The following GSK3B variants were observed in gnomAD, a reference collection of about 807,000 sequenced individuals.
GSK3B encodes the protein glycogen synthase kinase 3 beta.
Under a neutral mutation model 56.4 loss-of-function variants are expected in GSK3B, and 15 were observed. The observed-to-expected ratio is 0.27, with a 90% CI of 0.18 to 0.41. GSK3B has a LOEUF of 0.41. Ranked by LOEUF, GSK3B falls within the 10% of genes least tolerant of loss-of-function variation. GSK3B has a pLI of 1.00. For missense variants in GSK3B, 300 were observed against 513.4 expected, an observed-to-expected ratio of 0.58 and a Z score of 4.02; for synonymous variants, 181 against 188.9, an observed-to-expected ratio of 0.96 and a Z score of 0.34.
chr3:119,989,501 C>T (rs549601399), intron 2 of GSK3B, among the ~76,000 whole-genome samples: 6 of 151,858 alleles, frequency 4.0e-5, no homozygotes, highest in South Asian at 2.1e-4. Context: ...AAAAATTAGC[C>T]GGGCGTACAG....
At position 119,822,095 on chromosome 3, in the gene GSK3B, T is replaced by C. The variant is rs2055417469; in HGVS notation, c.*4693A>G. 5.4e-6 allele frequency: 1 copy of C among 186,448 alleles called. No individual in the cohort carries two copies. The highest frequency in any genetic ancestry group is 1.1e-5 in the Non-Finnish European group (1 of 93,998). The allele number at this position is 186,448 out of a possible 1,614,324, so 11.5% of individuals were successfully genotyped here. A position where few individuals can be genotyped will look rare whatever the true frequency, so the allele number is the denominator to read the frequency against. On this transcript the variant is annotated 3_prime_UTR_variant, in exon 11 of 11. Coordinates refer to ENST00000264235, the MANE Select transcript of GSK3B (RefSeq NM_001146156.2). ...GGAAAAAAAACATTGAGCATACTTTTCACAAAAAAGTTTATATTTAAAATG... is the reference window on the plus strand; with the variant it reads ...GGAAAAAAAACATTGAGCATACTTTCCACAAAAAAGTTTATATTTAAAATG...
At chr3:119,963,565 C>T (rs1030190431) in intron 2 of GSK3B, among the ~76,000 whole-genome samples, 9 of 135,522 alleles carry the variant, frequency 6.6e-5, no homozygotes, top group African/African-American at 2.6e-4. Context: ...TTGCAGTGAG[C>T]TGAAATTATG....
intron 2 of GSK3B, among the ~76,000 whole-genome samples, chr3:119,973,406 C>T (rs1317846602): frequency 1.3e-5 from 2 of 152,180 alleles, no homozygotes; most frequent in Admixed American, 6.5e-5. Context: ...ACTACCTGCC[C>T]GTTAGTCATC....
chr3:120,087,577 A>G (rs2058475432), intron 1 of GSK3B, among the ~76,000 whole-genome samples: 1 of 152,126 alleles, frequency 6.6e-6, no homozygotes, highest in Admixed American at 6.6e-5. Flanking sequence ...GATTTGAAAT[A>G]AGAATCAAGA....
At chr3:119,965,133 A>C (rs2057307976) in intron 2 of GSK3B, among the ~76,000 whole-genome samples, 1 of 148,828 alleles carries the variant, frequency 6.7e-6, no homozygotes, top group Admixed American at 6.7e-5. Context: ...GCTCACTGCA[A>C]CCTCCACCTC....
intron 2 of GSK3B, among the ~76,000 whole-genome samples, chr3:119,990,679 A>C: frequency 6.6e-6 from 1 of 152,226 alleles, no homozygotes; most frequent in East Asian, 1.9e-4. Context: ...TTGTAATCCC[A>C]GCACTTTGGG....
intron 1 of GSK3B, among the ~76,000 whole-genome samples, chr3:120,006,679 A>C (rs1172227904): frequency 6.6e-6 from 1 of 152,234 alleles, no homozygotes; most frequent in Non-Finnish European, 1.5e-5. Context: ...GTAAATAACG[A>C]AATTAAGACA....
chr3:120,056,330 T>C (rs4687891), intron 1 of GSK3B, among the ~76,000 whole-genome samples: 16,979 of 152,252 alleles, frequency 0.11, 1,220 homozygotes, highest in East Asian at 0.34. Flanking sequence ...ACAAAAGTCT[T>C]TGAGGTTCTC....
chr3:120,073,242 A>AG (rs11453059), intron 1 of GSK3B, among the ~76,000 whole-genome samples: 43 of 148,152 alleles, frequency 2.9e-4, no homozygotes, highest in African/African-American at 1.1e-3. Flanking sequence ...AAAAAAAAAA[A>AG]GCCTGGCATG....
intron 1 of GSK3B, among the ~76,000 whole-genome samples, chr3:120,024,808 G>T (rs758012597): frequency 1.2e-4 from 18 of 152,172 alleles, no homozygotes; most frequent in Non-Finnish European, 2.2e-4. Flanking sequence ...GAGAGGGTAG[G>T]GGGAGGAGGG....
chr3:120,061,111 G>A (rs896727421), intron 1 of GSK3B, among the ~76,000 whole-genome samples: 8 of 152,188 alleles, frequency 5.3e-5, no homozygotes, highest in South Asian at 4.1e-4. Context: ...CCTATTTTGT[G>A]TGCTGACCAA....
chr3:119,996,395 T>A (rs1022804844), intron 2 of GSK3B, among the ~76,000 whole-genome samples: 2 of 152,248 alleles, frequency 1.3e-5, no homozygotes, highest in Non-Finnish European at 2.9e-5. Context: ...TAGTATCTAA[T>A]ACACAATTTC....
In GSK3B at chr3:119,919,384, C is replaced by T. The variant is rs539278351; in HGVS notation, c.478-3210G>A. Among the ~76,000 whole-genome samples the T allele has an allele frequency of 3.3e-5, 5 of 152,106 alleles. No individual in the cohort carries two copies. In the East Asian group the frequency reaches 7.7e-4, roughly 23 times the overall value. Reference sequence around the variant, plus strand: ...ACAATAAAACTATGTAGAATGACTACGTGAAGGAGATCAACTCATAACTCA... The same window carrying T: ...ACAATAAAACTATGTAGAATGACTATGTGAAGGAGATCAACTCATAACTCA... On this transcript the variant is annotated intron_variant, in intron 4 of 10. Coordinates refer to ENST00000264235, the MANE Select transcript of GSK3B (RefSeq NM_001146156.2).
At chr3:119,998,284 G>A (rs2057643619) in intron 2 of GSK3B, among the ~76,000 whole-genome samples, 1 of 152,158 alleles carries the variant, frequency 6.6e-6, no homozygotes, top group Non-Finnish European at 1.5e-5. Flanking sequence ...TTTTTCCAGT[G>A]GCTCCCTTGC....
At chr3:119,952,700 C>T (rs889663261) in intron 2 of GSK3B, among the ~76,000 whole-genome samples, 1 of 148,220 alleles carries the variant, frequency 6.7e-6, no homozygotes, top group African/African-American at 2.5e-5. Context: ...CAGGAAAAAA[C>T]GGAAGCTAGA....
At chr3:119,836,488 C>T (rs985159813) in intron 10 of GSK3B, among the ~76,000 whole-genome samples, 2 of 152,080 alleles carry the variant, frequency 1.3e-5, no homozygotes, top group Non-Finnish European at 2.9e-5. Flanking sequence ...AATCTATAGT[C>T]CAAGAAACAA....
chr3:119,856,397 T>C (rs1300063002), intron 9 of GSK3B, among the ~76,000 whole-genome samples: 4 of 152,348 alleles, frequency 2.6e-5, no homozygotes, highest in Non-Finnish European at 4.4e-5. Context: ...TTCAAGATAC[T>C]AGTGTTTGAT....
rs554343322 is a variant in GSK3B at position 119,827,987 on chromosome 3, A to C, written c.1196-1132T>G. Among the ~76,000 whole-genome samples the C allele has an allele frequency of 2.6e-5, 4 of 152,346 alleles. No homozygotes were observed. The South Asian group carries it at 8.3e-4, about 32-fold the overall frequency. On this transcript the variant is annotated intron_variant, in intron 10 of 10. Coordinates refer to ENST00000264235, the MANE Select transcript of GSK3B (RefSeq NM_001146156.2). Reference sequence around the variant, plus strand: ...GTATGACTGGATTGTTTGTAACATAAAGGATAAATGCTTGAGGTGATGAAT... The same window carrying C: ...GTATGACTGGATTGTTTGTAACATACAGGATAAATGCTTGAGGTGATGAAT...
intron 1 of GSK3B, among the ~76,000 whole-genome samples, chr3:120,027,984 T>C (rs1169210699): frequency 2.0e-5 from 3 of 152,234 alleles, no homozygotes; most frequent in Non-Finnish European, 2.9e-5. Context: ...ATAGAACACT[T>C]CAAACTAAAA....
Sources: gnomAD v4.1 joint callset for allele counts (sites outside exome capture counted in the v4.1 genomes callset) on GRCh38, gnomAD v4.1.1 for gene constraint, MANE v1.5 for transcripts, NCBI Gene and HGNC (gene_info 2026-07-23, HGNC 2026-07-21) for gene names.